The following LMAN2L variants were observed in gnomAD, a reference collection of about 807,000 sequenced individuals.
The protein encoded by LMAN2L is lectin, mannose binding 2 like.
Under a neutral mutation model 44.3 loss-of-function variants are expected in LMAN2L, and 30 were observed. The observed-to-expected ratio is 0.68, with a 90% confidence interval of 0.51 to 0.92. The LOEUF (loss-of-function observed/expected upper bound fraction) is 0.92, where lower values mean the gene tolerates loss of function less well. LMAN2L is among the 40% of genes least tolerant of loss of function. LMAN2L has a pLI of 0.00. For synonymous variants in LMAN2L, 183 were observed against 171.1 expected, an observed-to-expected ratio of 1.07 and a Z score of -0.54; for missense variants, 429 against 446.1, an observed-to-expected ratio of 0.96 and a Z score of 0.35.
At chr2:96,717,420 T>C (rs1318129782) in intron 4 of LMAN2L, among the ~76,000 whole-genome samples, 1 of 151,028 alleles carries the variant, frequency 6.6e-6, no homozygotes, top group Non-Finnish European at 1.5e-5. Context: ...TAGTCCCAGC[T>C]ACTTGGGAGG....
chr2:96,725,659 A>T (rs917840376), intron 4 of LMAN2L, among the ~76,000 whole-genome samples: 18 of 151,222 alleles, frequency 1.2e-4, no homozygotes, highest in African/African-American at 4.4e-4. Context: ...GTTACCCAGG[A>T]TGGTCTCGAT....
intron 4 of LMAN2L, among the ~76,000 whole-genome samples, chr2:96,727,689 A>C (rs932670589): frequency 2.0e-5 from 3 of 152,222 alleles, no homozygotes; most frequent in Admixed American, 2.0e-4. Context: ...AGGAAACAAG[A>C]AACCAGAAAA....
At chr2:96,733,694 C>T (rs894789928) in intron 3 of LMAN2L, 93 bp from the exon 4 acceptor site, 23 of 977,484 alleles carry the variant, frequency 2.4e-5, no homozygotes, top group African/African-American at 3.2e-5. Context: ...AAGTAAAATT[C>T]AAATGACTCC....
chr2:96,728,000 A>G (rs1164100580), intron 4 of LMAN2L, among the ~76,000 whole-genome samples: 1 of 152,216 alleles, frequency 6.6e-6, no homozygotes, highest in Non-Finnish European at 1.5e-5. Flanking sequence ...ATCTACCCCA[A>G]AAGGTTGTTA....
At chr2:96,707,682 T>G (rs1275373206) in intron 7 of LMAN2L, 32 bp downstream of exon 7, 2 of 1,613,038 alleles carry the variant, frequency 1.2e-6, no homozygotes, top group Admixed American at 1.7e-5. Flanking sequence ...TCCCCAACTA[T>G]GGGACCATTT....
At chr2:96,723,057 C>T (rs959876910) in intron 4 of LMAN2L, among the ~76,000 whole-genome samples, 3 of 152,060 alleles carry the variant, frequency 2.0e-5, no homozygotes, top group Non-Finnish European at 4.4e-5. Flanking sequence ...TTTCATTTCT[C>T]TTAGGTACAC....
intron 4 of LMAN2L, among the ~76,000 whole-genome samples, chr2:96,719,669 C>T (rs2153325756): frequency 6.6e-6 from 1 of 152,208 alleles, no homozygotes; most frequent in African/African-American, 2.4e-5. Context: ...AATCTCGGCT[C>T]ACTGCAACCT....
chr2:96,736,651 T>C (rs1447671197), intron 2 of LMAN2L, among the ~76,000 whole-genome samples: 1 of 152,216 alleles, frequency 6.6e-6, no homozygotes, highest in African/African-American at 2.4e-5. Flanking sequence ...TTCATGTCTA[T>C]TGTCCTATTT....
chr2:96,707,686 A>G (rs764498323), intron 7 of LMAN2L, 28 bp downstream of exon 7: 2 of 1,613,096 alleles, frequency 1.2e-6, no homozygotes, highest in African/African-American at 2.7e-5. Flanking sequence ...CAACTATGGG[A>G]CCATTTCCCG....
intron 4 of LMAN2L, among the ~76,000 whole-genome samples, chr2:96,722,069 G>C (rs2078169478): frequency 1.3e-5 from 2 of 152,010 alleles, no homozygotes; most frequent in Admixed American, 6.6e-5. Context: ...CCAGGTTCAC[G>C]CCATTCTCCT....
In LMAN2L at chr2:96,707,128, G is replaced by T; in HGVS notation, c.*128C>A. 1.1e-6 allele frequency: 1 copy of T among 891,522 alleles called. No homozygotes were observed. Among genetic ancestry groups the T allele is most frequent in the South Asian group, 2.0e-5 (1 of 50,130 alleles). The allele number at this position is 891,522 out of a possible 1,614,324, so 55.2% of individuals were successfully genotyped here. ...CGGGGTCCCTGCATTCAAAACTCCAGTGACAGAATATAGTCCCCAACCAGC... is the reference window on the plus strand; with the variant it reads ...CGGGGTCCCTGCATTCAAAACTCCATTGACAGAATATAGTCCCCAACCAGC... On this transcript the variant is annotated 3_prime_UTR_variant, in exon 8 of 8. Transcript: ENST00000264963.
At position 96,739,734 on chromosome 2, in the gene LMAN2L, C is replaced by G. The variant is rs2078594114; in HGVS notation, c.187+120G>C. 3 of 1,023,384 alleles carry G rather than the reference C, an allele frequency of 2.9e-6. No individual in the cohort carries two copies. The South Asian group carries it at 4.2e-5, about 14-fold the overall frequency. 63.4% of individuals were successfully genotyped at this position (1,023,384 alleles called of 1,614,324 possible). The stretch of plus-strand genomic sequence containing the variant: ...AAACGCGGAGGGAGTCTCCGTGGGC[C>G]CCACCACCGCCAGCAGTTTCCTCCG... On this transcript the variant is annotated intron_variant, in intron 1 of 7. Coordinates refer to ENST00000264963, the MANE Select transcript of LMAN2L (RefSeq NM_030805.4).
chr2:96,737,869 G>C, intron 2 of LMAN2L, 80 bp downstream of exon 2: 2 of 801,834 alleles, frequency 2.5e-6, no homozygotes. Flanking sequence ...GGGATAGACA[G>C]TAAAATTAAA....
chr2:96,733,187 T>TA (rs2078443482), intron 4 of LMAN2L, among the ~76,000 whole-genome samples: 1 of 152,182 alleles, frequency 6.6e-6, no homozygotes, highest in Admixed American at 6.5e-5. Flanking sequence ...GAGGCTGAGT[T>TA]ACGTAAATTC....
chr2:96,725,465 C>T (rs957531881), intron 4 of LMAN2L, among the ~76,000 whole-genome samples: 12 of 143,382 alleles, frequency 8.4e-5, no homozygotes, highest in Middle Eastern at 3.9e-3. Flanking sequence ...TTTTTTGAGA[C>T]GGAGTCTCGT....
chr2:96,735,579 C>G (rs2078497021), intron 2 of LMAN2L, among the ~76,000 whole-genome samples: 1 of 152,192 alleles, frequency 6.6e-6, no homozygotes, highest in African/African-American at 2.4e-5. Flanking sequence ...TGGCTCACGC[C>G]TGTAATCCCA....
chr2:96,717,533 GAAA>G lies in LMAN2L; in HGVS notation c.508-5511_508-5509del, dbSNP rs763461930. On this transcript the variant is annotated intron_variant, in intron 4 of 7. Coordinates refer to ENST00000264963, the MANE Select transcript of LMAN2L (RefSeq NM_030805.4). ...GGTGACAAAACCAAACCCTGTGTCGGAAAAAAAAAAAAAAAAAAAAGGACGGCC... is the reference window on the plus strand; with the variant it reads ...GGTGACAAAACCAAACCCTGTGTCGGAAAAAAAAAAAAAAAAAGGACGGCC... 9.5e-4 allele frequency among the ~76,000 whole-genome samples: 105 copies of G among 111,052 alleles called. 1 individual carries two copies. Among genetic ancestry groups the G allele is most frequent in the South Asian group, 2.0e-3 (6 of 3,068 alleles). The allele number at this position is 111,052 out of a possible 152,430, so 72.9% of individuals were successfully genotyped here.
At chr2:96,733,443 C>T in intron 4 of LMAN2L, 76 bp downstream of exon 4, 2 of 1,063,468 alleles carry the variant, frequency 1.9e-6, no homozygotes, top group East Asian at 2.4e-5. Context: ...TCCTTTGTTC[C>T]CTCCTGTACA....
chr2:96,731,578 G>C (rs966111404), intron 4 of LMAN2L, among the ~76,000 whole-genome samples: 1 of 151,862 alleles, frequency 6.6e-6, no homozygotes, highest in African/African-American at 2.4e-5. Flanking sequence ...CCCAGGAGGT[G>C]TATGTAGGTT....
Sources: allele counts gnomAD v4.1 joint callset (sites outside exome capture counted in the v4.1 genomes callset), GRCh38; gene constraint gnomAD v4.1.1; transcripts MANE v1.5; gene names NCBI Gene and HGNC (gene_info 2026-07-23, HGNC 2026-07-21).